Variants in ANGPTL2 observed in about 807,000 individuals in gnomAD.
ANGPTL2 encodes the protein angiopoietin like 2.
Under a neutral mutation model 52.8 loss-of-function variants are expected in ANGPTL2, and 25 were observed. That is an observed-to-expected ratio of 0.47 (90% CI 0.35 to 0.66). The LOEUF (loss-of-function observed/expected upper bound fraction) is 0.66, where lower values mean the gene tolerates loss of function less well. Among genes scored for constraint, ANGPTL2 ranks in the 30% least tolerant of loss-of-function variants. The pLI is 0.01. For synonymous variants in ANGPTL2, 276 were observed against 277.4 expected, an observed-to-expected ratio of 1.00 and a Z score of 0.05; for missense variants, 546 against 656.9, an observed-to-expected ratio of 0.83 and a Z score of 1.84.
chr9:127,105,461 C>G (rs1470368081), intron 2 of ANGPTL2, among the ~76,000 whole-genome samples: 6 of 152,218 alleles, frequency 3.9e-5, no homozygotes, highest in Non-Finnish European at 8.8e-5. Context: ...CAGGGACCCA[C>G]TAGTCACTTG....
intron 1 of ANGPTL2, among the ~76,000 whole-genome samples, chr9:127,114,723 G>A (rs922037461): frequency 4.6e-5 from 7 of 152,214 alleles, no homozygotes; most frequent in Admixed American, 3.3e-4. Context: ...TCCCAGCACT[G>A]CAGGAGGCCT....
At chr9:127,099,789 T>C (rs185814744) in intron 2 of ANGPTL2, among the ~76,000 whole-genome samples, 2 of 152,372 alleles carry the variant, frequency 1.3e-5, no homozygotes, top group Admixed American at 6.5e-5. Context: ...TTTCAGTTCC[T>C]GCAGAACCTC....
intron 1 of ANGPTL2, among the ~76,000 whole-genome samples, chr9:127,120,827 C>CAA (rs968011060): frequency 9.8e-5 from 12 of 121,954 alleles, no homozygotes; most frequent in South Asian, 5.3e-4. Context: ...GACTCCATCT[C>CAA]AAAAAAAAAA....
At chr9:127,120,237 G>A (rs1249309591) in intron 1 of ANGPTL2, among the ~76,000 whole-genome samples, 1 of 152,224 alleles carries the variant, frequency 6.6e-6, no homozygotes, top group African/African-American at 2.4e-5. Context: ...GGTTCTGCTG[G>A]GGAGATCAAT....
chr9:127,118,484 G>A (rs1014107761), intron 1 of ANGPTL2, among the ~76,000 whole-genome samples: 2 of 152,210 alleles, frequency 1.3e-5, no homozygotes, highest in African/African-American at 4.8e-5. Context: ...CCACAGTGTG[G>A]TTGTCCAGGA....
intron 2 of ANGPTL2, chr9:127,106,970 T>C (rs2054278884): frequency 6.6e-6 from 1 of 152,250 alleles, no homozygotes; most frequent in Non-Finnish European, 1.5e-5. Context: ...AATATAGTTC[T>C]CATATGGCAG....
intron 2 of ANGPTL2, among the ~76,000 whole-genome samples, chr9:127,097,918 A>G (rs1208276212): frequency 2.0e-5 from 3 of 152,172 alleles, no homozygotes; most frequent in African/African-American, 7.2e-5. Context: ...CTTCTGTGAA[A>G]TGGGAAGAGA....
rs542011915 is a variant in ANGPTL2 at position 127,116,973 on chromosome 9, G to A, written c.-50+5342C>T. ...AATCCTAATTGGCCTCCCTGCCTTT[G>A]GGTGCTCTCTCCCCTGCAGTCTACA... is the stretch of plus-strand genomic sequence containing the variant. On this transcript the variant is annotated intron_variant, in intron 1 of 4. Coordinates refer to ENST00000373425, the MANE Select transcript of ANGPTL2 (RefSeq NM_012098.3). 2.6e-5 allele frequency among the ~76,000 whole-genome samples: 4 copies of A among 152,266 alleles called. No homozygotes were observed. The South Asian group carries it at 8.3e-4, about 32-fold the overall frequency.
intron 2 of ANGPTL2, among the ~76,000 whole-genome samples, chr9:127,100,947 A>G (rs1288983797): frequency 6.6e-6 from 1 of 152,138 alleles, no homozygotes; most frequent in African/African-American, 2.4e-5. Flanking sequence ...AGCCAGTTGT[A>G]TGTGATTTCT....
Position 127,091,521 on chromosome 9 carries a change from C to T in ANGPTL2, c.1282+149G>A. On this transcript the variant is annotated intron_variant, in intron 4 of 4. Coordinates refer to ENST00000373425, the MANE Select transcript of ANGPTL2 (RefSeq NM_012098.3). The surrounding 1 kb of genome is among the most constrained non-coding windows in gnomAD (Gnocchi z 4.3). Reference sequence around the variant, plus strand: ...GGACCTGTGGGCAGGAGAAGGGACCCTCAGGGGGTGGTAACAGGGTCAGGC... The same window carrying T: ...GGACCTGTGGGCAGGAGAAGGGACCTTCAGGGGGTGGTAACAGGGTCAGGC... 9.0e-7 allele frequency: 1 copy of T among 1,110,858 alleles called. No individual in the cohort carries two copies. The highest frequency in any genetic ancestry group is 2.3e-5 in the Admixed American group (1 of 43,640). The allele number at this position is 1,110,858 out of a possible 1,614,324, so 68.8% of individuals were successfully genotyped here.
rs62578762 is a variant in ANGPTL2 at position 127,104,244 on chromosome 9, G to A, written c.817+3671C>T. On this transcript the variant is annotated intron_variant, in intron 2 of 4. Transcript: ENST00000373425. The stretch of plus-strand genomic sequence containing the variant: ...TAAAGATTAGTTTCTGACAAAGCCC[G>A]TCTGTGGCAGCTGCTGTTGGCGCTG... Among the ~76,000 whole-genome samples, 899 of 152,304 alleles carry A rather than the reference G, an allele frequency of 5.9e-3. 5 individuals carry two copies. Among genetic ancestry groups the A allele is most frequent in the South Asian group, 1.0e-2 (48 of 4,822 alleles).
Position 127,088,716 on chromosome 9 carries a change from A to G in ANGPTL2, c.*223T>C. The G allele has an allele frequency of 3.4e-6, 2 of 594,552 alleles. No homozygotes were observed. Among genetic ancestry groups the G allele is most frequent in the Non-Finnish European group, 6.0e-6 (2 of 333,942 alleles). 36.8% of individuals were successfully genotyped at this position (594,552 alleles called of 1,614,324 possible). On this transcript the variant is annotated 3_prime_UTR_variant, in exon 5 of 5. Transcript: ENST00000373425. ...TGTCTGTAGTCCTGTCCTGTCCTGGAGACATGAGGGGCTGTCTGGTGTGAA... is the reference window on the plus strand; with the variant it reads ...TGTCTGTAGTCCTGTCCTGTCCTGGGGACATGAGGGGCTGTCTGGTGTGAA...
intron 3 of ANGPTL2, among the ~76,000 whole-genome samples, chr9:127,092,389 A>G (rs1173249539): frequency 2.6e-5 from 4 of 152,010 alleles, no homozygotes; most frequent in African/African-American, 7.3e-5. Context: ...GTGAGCTGTG[A>G]CGCATGTGTC....
At chr9:127,119,826 A>T (rs2055857622) in intron 1 of ANGPTL2, among the ~76,000 whole-genome samples, 1 of 152,146 alleles carries the variant, frequency 6.6e-6, no homozygotes, top group African/African-American at 2.4e-5. Flanking sequence ...TGCCAAGCTC[A>T]TGAAGTCAGT....
Position 127,108,592 on chromosome 9 carries a change from G to A in ANGPTL2, c.140C>T (p.Ala47Val), listed in dbSNP as rs753891486. 24 of 1,613,344 alleles carry A rather than the reference G, an allele frequency of 1.5e-5. No homozygotes were observed. In the East Asian group the frequency reaches 1.8e-4, roughly 12 times the overall value. ...EFIYLNRYKR[A>V]GESQDKCTYT... ...GGTGCACTTGTCCTGGGACTCGCCC[G>A]CCCGCTTGTACCTGTTTAGGTAAAT... Residue 47 changes from alanine (A) to valine (V), a missense_variant, in exon 2 of 5, where the codon GCG (alanine) becomes GTG (valine). This residue lies in a region of ANGPTL2 where 285 missense variants were observed against 295.8 expected (regional missense o/e 0.96). Coordinates refer to ENST00000373425, the MANE Select transcript of ANGPTL2 (RefSeq NM_012098.3).
At chr9:127,106,216 T>TTATA (rs1420549487) in intron 2 of ANGPTL2, among the ~76,000 whole-genome samples, 1 of 152,038 alleles carries the variant, frequency 6.6e-6, no homozygotes, top group African/African-American at 2.4e-5. Context: ...CCAGTCAGGG[T>TTATA]TATAACAACA....
chr9:127,099,453 C>T (rs2053502213), intron 2 of ANGPTL2, among the ~76,000 whole-genome samples: 1 of 152,190 alleles, frequency 6.6e-6, no homozygotes, highest in Non-Finnish European at 1.5e-5. Flanking sequence ...ATTGGATCTG[C>T]AATTTCCTAC....
chr9:127,088,664 G>A lies in ANGPTL2; in HGVS notation c.*275C>T, dbSNP rs1201544460. 2.0e-6 allele frequency: 1 copy of A among 489,320 alleles called. No individual in the cohort carries two copies. The highest frequency in any genetic ancestry group is 3.7e-6 in the Non-Finnish European group (1 of 272,246). 30.3% of individuals were successfully genotyped at this position (489,320 alleles called of 1,614,324 possible). On this transcript the variant is annotated 3_prime_UTR_variant, in exon 5 of 5. Transcript: ENST00000373425. ...ACTTTGCAGTTGTGTTTTTATTGTA[G>A]AGACTTAATTTATTTAAAGAAAGAG... is the stretch of plus-strand genomic sequence containing the variant.
At chr9:127,121,792 G>A (rs570119941) in intron 1 of ANGPTL2, among the ~76,000 whole-genome samples, 144 of 152,212 alleles carry the variant, frequency 9.5e-4, no homozygotes, top group African/African-American at 3.2e-3. Flanking sequence ...GCTGGAGGGT[G>A]TGAGCAGAGG....
Sources: allele counts gnomAD v4.1 joint callset (sites outside exome capture counted in the v4.1 genomes callset), GRCh38; gene constraint gnomAD v4.1.1; regional missense constraint gnomAD v4.1.1; non-coding constraint Gnocchi (gnomAD v3.1); transcripts MANE v1.5; gene names NCBI Gene and HGNC (gene_info 2026-07-23, HGNC 2026-07-21).